Variants in WDR70 observed in about 807,000 individuals in gnomAD.
WDR70 encodes WD repeat-containing protein 70.
In WDR70, 53 loss-of-function variants were observed where a neutral mutation model predicts 88.6. The observed-to-expected ratio is 0.60, with a 90% CI of 0.48 to 0.75. The LOEUF is 0.75. Ranked by LOEUF, WDR70 falls within the 30% of genes least tolerant of loss-of-function variation. The pLI, the probability that WDR70 is intolerant of heterozygous loss-of-function variation, is 0.00. For missense variants in WDR70, 610 were observed against 823.2 expected (o/e 0.74, Z 3.17); for synonymous variants, 280 against 270.0 (o/e 1.04, Z -0.36).
chr5:37,433,149 C>T (rs1293377441), intron 5 of WDR70, among the ~76,000 whole-genome samples: 1 of 151,938 alleles, frequency 6.6e-6, no homozygotes, highest in East Asian at 1.9e-4. Flanking sequence ...CAACCCTCAC[C>T]TCCTAGGTTC....
At chr5:37,443,994 T>A (rs1276848610) in intron 7 of WDR70, among the ~76,000 whole-genome samples, 1 of 147,894 alleles carries the variant, frequency 6.8e-6, no homozygotes, top group Non-Finnish European at 1.5e-5. Flanking sequence ...ACTAAAAATA[T>A]AAAAACAAGC....
chr5:37,693,317 A>T (rs1462697007), intron 10 of WDR70, among the ~76,000 whole-genome samples: 1 of 152,246 alleles, frequency 6.6e-6, no homozygotes, highest in Admixed American at 6.5e-5. Context: ...TGCCATCCCC[A>T]TCAAGTTACC....
At chr5:37,648,300 TG>T (rs1027540063) in intron 10 of WDR70, among the ~76,000 whole-genome samples, 8 of 152,126 alleles carry the variant, frequency 5.3e-5, no homozygotes, top group African/African-American at 1.9e-4. Context: ...CTGTTTTGGC[TG>T]GGTTCTATCT....
intron 10 of WDR70, among the ~76,000 whole-genome samples, chr5:37,628,333 T>C (rs566770809): frequency 6.6e-6 from 1 of 152,342 alleles, no homozygotes; most frequent in South Asian, 2.1e-4. Context: ...TTCCCCACTA[T>C]GTACTGAAGC....
chr5:37,410,855 C>G (rs927602415), intron 5 of WDR70, among the ~76,000 whole-genome samples: 1 of 152,158 alleles, frequency 6.6e-6, no homozygotes, highest in African/African-American at 2.4e-5. Flanking sequence ...TGTAAATAAA[C>G]ATCTATTTCC....
At chr5:37,484,217 C>T (rs187045699) in intron 8 of WDR70, among the ~76,000 whole-genome samples, 1 of 151,964 alleles carries the variant, frequency 6.6e-6, no homozygotes, top group African/African-American at 2.4e-5. Flanking sequence ...TGGGAGGTGG[C>T]GGTTGTAGCT....
chr5:37,531,595 T>C (rs1469239849), intron 9 of WDR70, among the ~76,000 whole-genome samples: 1 of 146,232 alleles, frequency 6.8e-6, no homozygotes, highest in Non-Finnish European at 1.5e-5. Context: ...TTCTTTTTTT[T>C]TTTTTTTTTT....
chr5:37,697,823 T>C, intron 11 of WDR70, 69 bp downstream of exon 11: 10 of 1,370,414 alleles, frequency 7.3e-6, no homozygotes, highest in Non-Finnish European at 1.0e-5. Context: ...AATATGACAA[T>C]AATATCCTAG....
chr5:37,430,499 TG>T (rs1750268006), intron 5 of WDR70, among the ~76,000 whole-genome samples: 1 of 152,230 alleles, frequency 6.6e-6, no homozygotes, highest in Non-Finnish European at 1.5e-5. Flanking sequence ...AAAATCGCCC[TG>T]TACTAATGAA....
At chr5:37,696,538 G>A (rs1267014586) in intron 10 of WDR70, among the ~76,000 whole-genome samples, 4 of 152,138 alleles carry the variant, frequency 2.6e-5, no homozygotes, top group African/African-American at 7.2e-5. Context: ...TCCCAGGAGG[G>A]ACTCACATGC....
At chr5:37,578,574 G>A (rs991247058) in intron 9 of WDR70, among the ~76,000 whole-genome samples, 92 of 152,176 alleles carry the variant, frequency 6.0e-4, no homozygotes, top group African/African-American at 2.1e-3. Context: ...ATTGAAAATC[G>A]AAGCAAATTT....
At position 37,392,984 on chromosome 5, in the gene WDR70, C is replaced by T. The variant is rs191549335; in HGVS notation, c.296+864C>T. On this transcript the variant is annotated intron_variant, in intron 4 of 17. Coordinates refer to ENST00000265107, the MANE Select transcript of WDR70 (RefSeq NM_018034.4). ...TTTTGGCAATGCAACAATGGCCTAA[C>T]ACATTGATGTTGTTTATCTTGTCAG... Among the ~76,000 whole-genome samples the T allele has an allele frequency of 2.3e-3, 356 of 151,732 alleles. 2 individuals are homozygous for T. Among genetic ancestry groups the T allele is most frequent in the African/African-American group, 8.3e-3 (345 of 41,372 alleles).
chr5:37,573,911 A>G (rs924629351), intron 9 of WDR70, among the ~76,000 whole-genome samples: 4 of 152,064 alleles, frequency 2.6e-5, no homozygotes, highest in African/African-American at 9.7e-5. Flanking sequence ...TCCTTGGAAC[A>G]TTCTTTGTTC....
chr5:37,418,691 A>C (rs190417535), intron 5 of WDR70, among the ~76,000 whole-genome samples: 17 of 152,290 alleles, frequency 1.1e-4, no homozygotes, highest in Admixed American at 6.5e-4. Flanking sequence ...ATCTCTTGGC[A>C]TATCTAGTAC....
At chr5:37,504,973 T>G (rs1421997808) in intron 8 of WDR70, among the ~76,000 whole-genome samples, 1 of 152,210 alleles carries the variant, frequency 6.6e-6, no homozygotes, top group Non-Finnish European at 1.5e-5. Flanking sequence ...GGCTGAAATT[T>G]GTTTTAAAAA....
At chr5:37,700,015 A>G (rs192345049) in intron 11 of WDR70, among the ~76,000 whole-genome samples, 93 of 152,178 alleles carry the variant, frequency 6.1e-4, no homozygotes, top group African/African-American at 2.1e-3. Context: ...GTAACATTCC[A>G]AAGGTGAGCC....
intron 10 of WDR70, among the ~76,000 whole-genome samples, chr5:37,658,362 T>C (rs558495647): frequency 6.6e-6 from 1 of 152,184 alleles, no homozygotes; most frequent in East Asian, 1.9e-4. Flanking sequence ...GACAACCCTC[T>C]AGTCATATAT....
intron 10 of WDR70, among the ~76,000 whole-genome samples, chr5:37,668,745 C>A (rs1315971693): frequency 6.6e-6 from 1 of 152,184 alleles, no homozygotes; most frequent in East Asian, 1.9e-4. Context: ...AGTTAGAGTC[C>A]TAGGTAGTCA....
At chr5:37,542,143 T>TA (rs1183307257) in intron 9 of WDR70, among the ~76,000 whole-genome samples, 1 of 152,150 alleles carries the variant, frequency 6.6e-6, no homozygotes, top group Non-Finnish European at 1.5e-5. Context: ...CATGAAAAAA[T>TA]ACATAGTCAA....
Sources: gnomAD v4.1 joint callset for allele counts (sites outside exome capture counted in the v4.1 genomes callset) on GRCh38, gnomAD v4.1.1 for gene constraint, MANE v1.5 for transcripts, NCBI Gene and HGNC (gene_info 2026-07-23, HGNC 2026-07-21) for gene names.